NRXN3: variants seen among roughly 807,000 people sequenced by gnomAD.
The protein encoded by NRXN3 is neurexin 3.
A neutral mutation model predicts 137.6 loss-of-function variants in NRXN3; 32 were observed. That is an observed-to-expected ratio of 0.23 (90% CI 0.18 to 0.31). The LOEUF (loss-of-function observed/expected upper bound fraction) is 0.31, where lower values mean the gene tolerates loss of function less well. Ranked by LOEUF, NRXN3 falls within the 10% of genes least tolerant of loss-of-function variation. The pLI is 1.00. For synonymous variants in NRXN3, 798 were observed against 784.5 expected (o/e 1.02, Z -0.29); for missense variants, 1,574 against 2,062.5 (o/e 0.76, Z 4.59).
chr14:79,476,768 A>G (rs1426269915), intron 16 of NRXN3, among the ~76,000 whole-genome samples: 1 of 152,084 alleles, frequency 6.6e-6, no homozygotes, highest in Non-Finnish European at 1.5e-5. Context: ...TGAGGTAGTC[A>G]CTATTAATAT....
intron 6 of NRXN3, among the ~76,000 whole-genome samples, chr14:78,706,329 C>T (rs1331553894): frequency 6.6e-6 from 1 of 152,230 alleles, no homozygotes; most frequent in African/African-American, 2.4e-5. Flanking sequence ...TTCTGGTTTA[C>T]TCACTTGAGT....
chr14:78,926,898 AT>A lies in NRXN3; in HGVS notation c.2276-30343del, dbSNP rs1376322711. On this transcript the variant is annotated intron_variant, in intron 10 of 20. Transcript: ENST00000335750. Reference sequence around the variant, plus strand: ...ATATATAATATATTTATATATATATATAATATATATAATATATATATAATAT... The same window carrying A: ...ATATATAATATATTTATATATATATAAATATATATAATATATATATAATAT... Among the ~76,000 whole-genome samples the A allele has an allele frequency of 5.5e-4, 15 of 27,044 alleles. 1 individual carries two copies. The South Asian group carries it at 8.7e-3, about 16-fold the overall frequency. 17.7% of individuals were successfully genotyped at this position (27,044 alleles called of 152,430 possible).
chr14:79,291,514 C>G (rs2083199028), intron 15 of NRXN3, among the ~76,000 whole-genome samples: 2 of 151,386 alleles, frequency 1.3e-5, no homozygotes, highest in African/African-American at 4.9e-5. Flanking sequence ...GCCACCATGC[C>G]CAGCCCATTT....
chr14:79,381,632 A>G (rs553774328), intron 15 of NRXN3, among the ~76,000 whole-genome samples: 2 of 152,296 alleles, frequency 1.3e-5, no homozygotes, highest in South Asian at 2.1e-4. Flanking sequence ...TTCTCAGTCA[A>G]AAGGAACTTG....
chr14:78,407,879 A>G (rs895640448), intron 4 of NRXN3, among the ~76,000 whole-genome samples: 20 of 152,110 alleles, frequency 1.3e-4, no homozygotes, highest in African/African-American at 4.3e-4. Context: ...GACTCTTATA[A>G]TTGCTGCTTT....
intron 10 of NRXN3, among the ~76,000 whole-genome samples, chr14:78,905,120 A>T (rs2099211276): frequency 6.6e-6 from 1 of 152,016 alleles, no homozygotes; most frequent in Non-Finnish European, 1.5e-5. Context: ...GCACCCTGTC[A>T]TCTTCAGTTG....
At chr14:78,208,178 G>C (rs1465665404) in intron 1 of NRXN3, among the ~76,000 whole-genome samples, 1 of 152,208 alleles carries the variant, frequency 6.6e-6, no homozygotes, top group African/African-American at 2.4e-5. Flanking sequence ...TTAAAAAAGT[G>C]CTTAGCACAT....
intron 15 of NRXN3, among the ~76,000 whole-genome samples, chr14:79,439,043 A>G (rs780911285): frequency 6.6e-6 from 1 of 152,248 alleles, no homozygotes; most frequent in African/African-American, 2.4e-5. Context: ...TCTTTCATGC[A>G]GTTATTTTCT....
At chr14:78,531,954 G>GT (rs1371681776) in intron 4 of NRXN3, among the ~76,000 whole-genome samples, 1 of 152,028 alleles carries the variant, frequency 6.6e-6, no homozygotes, top group Non-Finnish European at 1.5e-5. Flanking sequence ...AATATCACCA[G>GT]TTTTTTATTT....
chr14:78,541,095 C>CT (rs199606178), intron 4 of NRXN3, among the ~76,000 whole-genome samples: 36,068 of 151,838 alleles, frequency 0.24, 4,478 homozygotes, highest in Middle Eastern at 0.32. Context: ...AATTATGTGT[C>CT]TGGGGTTGCT....
intron 19 of NRXN3, among the ~76,000 whole-genome samples, chr14:79,771,538 CAATAGATGCAG>C (rs2099078546): frequency 4.4e-5 from 6 of 135,506 alleles, no homozygotes; most frequent in African/African-American, 1.7e-4. Context: ...ATGATTATCT[CAATAGATGCAG>C]AAAAGGCCTT....
chr14:78,335,144 C>T (rs1017787944), intron 4 of NRXN3, among the ~76,000 whole-genome samples: 1 of 152,162 alleles, frequency 6.6e-6, no homozygotes, highest in Non-Finnish European at 1.5e-5. Flanking sequence ...CCCTCTAAAT[C>T]CCTTTTGAGT....
At chr14:79,654,629 C>G (rs528975890) in intron 16 of NRXN3, among the ~76,000 whole-genome samples, 69 of 152,274 alleles carry the variant, frequency 4.5e-4, no homozygotes, top group African/African-American at 1.6e-3. Flanking sequence ...CCAACTTTTG[C>G]ATATTCATAC....
intron 10 of NRXN3, among the ~76,000 whole-genome samples, chr14:78,811,553 C>A (rs549822233): frequency 6.6e-5 from 10 of 152,342 alleles, no homozygotes; most frequent in African/African-American, 2.2e-4. Context: ...TAGTTGATAT[C>A]TAGCACATGT....
intron 15 of NRXN3, among the ~76,000 whole-genome samples, chr14:78,997,221 A>G (rs1339603062): frequency 1.3e-5 from 2 of 152,186 alleles, no homozygotes; most frequent in Admixed American, 6.5e-5. Flanking sequence ...AAGAAAAAAT[A>G]GTCTCCATAA....
chr14:79,494,563 T>G (rs2096748600), intron 16 of NRXN3, among the ~76,000 whole-genome samples: 1 of 152,198 alleles, frequency 6.6e-6, no homozygotes, highest in Non-Finnish European at 1.5e-5. Context: ...AGGGTACTAC[T>G]TTTAAAATAT....
At chr14:79,672,888 T>C (rs1403232370) in intron 17 of NRXN3, among the ~76,000 whole-genome samples, 1 of 152,082 alleles carries the variant, frequency 6.6e-6, no homozygotes, top group Non-Finnish European at 1.5e-5. Flanking sequence ...AGAGTCTCTC[T>C]AGTTATTTAA....
chr14:78,569,213 C>T (rs1258637299), intron 4 of NRXN3, among the ~76,000 whole-genome samples: 1 of 151,442 alleles, frequency 6.6e-6, no homozygotes, highest in East Asian at 1.9e-4. Flanking sequence ...AGGTGATCTT[C>T]CCGCCTCGGC....
chr14:79,268,065 C>T (rs1296040359), intron 15 of NRXN3, among the ~76,000 whole-genome samples: 1 of 152,168 alleles, frequency 6.6e-6, no homozygotes, highest in African/African-American at 2.4e-5. Context: ...ATTTATTCAA[C>T]TAATGGTAAA....
Sources: allele counts gnomAD v4.1 joint callset (sites outside exome capture counted in the v4.1 genomes callset), GRCh38; gene constraint gnomAD v4.1.1; transcripts MANE v1.5; gene names NCBI Gene and HGNC (gene_info 2026-07-23, HGNC 2026-07-21).